The following DMC1 variants were observed in gnomAD, a reference collection of about 807,000 sequenced individuals.
DMC1 encodes the protein DNA meiotic recombinase 1.
A neutral mutation model predicts 50.1 loss-of-function variants in DMC1; 27 were observed. That is an observed-to-expected ratio of 0.54 (90% CI 0.40 to 0.74). DMC1 has a LOEUF of 0.74. DMC1 is among the 30% of genes least tolerant of loss of function. The pLI is 0.00. For synonymous variants in DMC1, 148 were observed against 136.1 expected, an observed-to-expected ratio of 1.09 and a Z score of -0.61; for missense variants, 295 against 420.2, an observed-to-expected ratio of 0.70 and a Z score of 2.60.
chr22:38,539,466 C>T lies in DMC1; in HGVS notation c.495-54G>A, dbSNP rs2090256473. 3.0e-6 allele frequency: 4 copies of T among 1,332,128 alleles called. No individual in the cohort carries two copies. In the South Asian group the frequency reaches 3.5e-5, roughly 12 times the overall value. 82.5% of individuals were successfully genotyped at this position (1,332,128 alleles called of 1,614,324 possible). On this transcript the variant is annotated intron_variant, in intron 8 of 13. Coordinates refer to ENST00000216024, the MANE Select transcript of DMC1 (RefSeq NM_007068.4). ...TAAGTCAATTCTAAAAAAGTTTAGACAACCACTACAAAACATAATATCTTC... is the reference window on the plus strand; with the variant it reads ...TAAGTCAATTCTAAAAAAGTTTAGATAACCACTACAAAACATAATATCTTC...
chr22:38,550,472 C>T (rs2090391842), intron 7 of DMC1, among the ~76,000 whole-genome samples: 1 of 151,056 alleles, frequency 6.6e-6, no homozygotes, highest in Admixed American at 6.6e-5. Flanking sequence ...CACTGCCACA[C>T]CCAGCTAATT....
chr22:38,522,722 G>A (rs1445918447), intron 12 of DMC1, among the ~76,000 whole-genome samples: 1 of 152,190 alleles, frequency 6.6e-6, no homozygotes, highest in Non-Finnish European at 1.5e-5. Flanking sequence ...GTCAATTCAA[G>A]TTGTGCTTGC....
chr22:38,526,005 T>C lies in DMC1; in HGVS notation c.837-4281A>G, dbSNP rs554842520. ...AAAAAAAAGAAAAAGAAAGATATTA[T>C]GGGGATAAAAAAGTCTAACAAATGA... is the stretch of plus-strand genomic sequence containing the variant. On this transcript the variant is annotated intron_variant, in intron 12 of 13. Transcript: ENST00000216024. 4.6e-5 allele frequency among the ~76,000 whole-genome samples: 7 copies of C among 151,780 alleles called. No individual in the cohort carries two copies. In the East Asian group the frequency reaches 1.2e-3, roughly 25 times the overall value.
intron 13 of DMC1, among the ~76,000 whole-genome samples, chr22:38,521,266 C>A (rs1440332853): frequency 6.6e-6 from 1 of 152,070 alleles, no homozygotes; most frequent in East Asian, 1.9e-4. Context: ...TTGATGATTT[C>A]ATTATCTAGG....
chr22:38,510,427 C>T, the DMC1 span, among the ~76,000 whole-genome samples: 78,372 of 151,954 alleles, frequency 0.52, 22,378 homozygotes, highest in Admixed American at 0.65. Flanking sequence ...TGCACTCCAA[C>T]CTGAGCGACA....
At chr22:38,510,653 C>T in the DMC1 span, among the ~76,000 whole-genome samples, 1 of 152,160 alleles carries the variant, frequency 6.6e-6, no homozygotes, top group East Asian at 1.9e-4. Context: ...CGCAAAATCC[C>T]TTATCTTTTT....
chr22:38,532,495 T>C (rs140431342), intron 12 of DMC1, among the ~76,000 whole-genome samples: 1,564 of 151,586 alleles, frequency 0.01, 33 homozygotes, highest in African/African-American at 0.037. Context: ...CTAATTTTTA[T>C]ATTTTTAGTA....
intron 1 of DMC1, among the ~76,000 whole-genome samples, chr22:38,569,811 G>A (rs909250205): frequency 6.6e-6 from 1 of 152,168 alleles, no homozygotes; most frequent in Admixed American, 6.5e-5. Context: ...TCCTGACACC[G>A]GATTCCCTGG....
In DMC1 at chr22:38,555,694, G is replaced by A. The variant is rs770551576; in HGVS notation, c.327-285C>T. The stretch of plus-strand genomic sequence containing the variant: ...TAAATGGAACCTGGGAATACTGCAT[G>A]CTGTAGGCTTAAAAAATAATAATAA... On this transcript the variant is annotated intron_variant, in intron 5 of 13. Coordinates refer to ENST00000216024, the MANE Select transcript of DMC1 (RefSeq NM_007068.4). 2.8e-4 allele frequency among the ~76,000 whole-genome samples: 42 copies of A among 151,946 alleles called. 1 individual carries two copies. The highest frequency in any genetic ancestry group is 4.4e-5 in the Non-Finnish European group (3 of 68,008).
intron 5 of DMC1, among the ~76,000 whole-genome samples, chr22:38,558,786 G>A (rs541958821): frequency 6.6e-6 from 1 of 152,106 alleles, no homozygotes; most frequent in Non-Finnish European, 1.5e-5. Flanking sequence ...CAAACATCAA[G>A]GGCACCAGAA....
chr22:38,510,271 T>C, the DMC1 span, among the ~76,000 whole-genome samples: 4 of 152,066 alleles, frequency 2.6e-5, no homozygotes, highest in East Asian at 7.7e-4. Context: ...CTGGCCAACA[T>C]GGTGAAACCC....
the DMC1 span, among the ~76,000 whole-genome samples, chr22:38,513,217 G>C: frequency 6.6e-6 from 1 of 152,194 alleles, no homozygotes; most frequent in South Asian, 2.1e-4. Flanking sequence ...GGAACAGCCT[G>C]GTCAGGCCTC....
chr22:38,537,639 A>G lies in DMC1; in HGVS notation c.789T>C (p.Ala263=). Residue 263 remains alanine (A), a synonymous_variant, in exon 12 of 14, where the codon GCT becomes GCC. Coordinates refer to ENST00000216024, the MANE Select transcript of DMC1 (RefSeq NM_007068.4). ...CAGTCATTTGATTGGTCACAAAAAC[A>G]GCCACGTTATATTCTGCATCAAGAG... The part of the protein sequence containing the change: ...LQKISEEYNV[A]VFVTNQMTAD... 6.2e-7 allele frequency: 1 copy of G among 1,613,934 alleles called. No individual in the cohort carries two copies. The highest frequency in any genetic ancestry group is 8.5e-7 in the Non-Finnish European group (1 of 1,179,826).
chr22:38,535,254 G>A (rs1233292409), intron 12 of DMC1, among the ~76,000 whole-genome samples: 1 of 151,386 alleles, frequency 6.6e-6, no homozygotes, highest in Non-Finnish European at 1.5e-5. Context: ...AGCTGGGATC[G>A]TGCCACTGCA....
chr22:38,517,121 T>A (rs1332828950), downstream of DMC1, among the ~76,000 whole-genome samples: 1 of 152,212 alleles, frequency 6.6e-6, no homozygotes, highest in African/African-American at 2.4e-5. Context: ...AGGAATAGTC[T>A]CTTCTGGAGT....
intron 3 of DMC1, among the ~76,000 whole-genome samples, chr22:38,567,008 C>A (rs898202799): frequency 6.6e-6 from 1 of 152,188 alleles, no homozygotes; most frequent in Non-Finnish European, 1.5e-5. Flanking sequence ...AAAAGAAAAG[C>A]CTGTTGGTGG....
downstream of DMC1, among the ~76,000 whole-genome samples, chr22:38,515,754 C>T (rs1486444096): frequency 2.0e-5 from 3 of 151,976 alleles, no homozygotes; most frequent in Non-Finnish European, 2.9e-5. Flanking sequence ...GCCAAGATTG[C>T]GCCACTGCAC....
intron 7 of DMC1, among the ~76,000 whole-genome samples, chr22:38,552,083 G>T (rs1190575007): frequency 2.6e-5 from 4 of 151,146 alleles, no homozygotes; most frequent in African/African-American, 9.7e-5. Flanking sequence ...GGATGGTCTG[G>T]ATCTCCTGAC....
chr22:38,562,817 A>G (rs1569170897), intron 4 of DMC1, among the ~76,000 whole-genome samples: 2 of 151,878 alleles, frequency 1.3e-5, no homozygotes, highest in African/African-American at 4.9e-5. Context: ...ATATACATAT[A>G]TACACACATA....
Sources: gnomAD v4.1 joint callset for allele counts (sites outside exome capture counted in the v4.1 genomes callset) on GRCh38, gnomAD v4.1.1 for gene constraint, MANE v1.5 for transcripts, NCBI Gene and HGNC (gene_info 2026-07-23, HGNC 2026-07-21) for gene names.